RPTOR: variants seen among roughly 807,000 people sequenced by gnomAD.
RPTOR encodes the protein regulatory associated protein of MTOR complex 1, also known as regulatory-associated protein of mTOR.
RPTOR carries 21 observed loss-of-function variants against 169.9 expected under a neutral mutation model. The observed-to-expected ratio is 0.12, with a 90% CI of 0.09 to 0.18. The LOEUF is 0.18. Ranked by LOEUF, RPTOR falls within the 10% of genes least tolerant of loss-of-function variation. The pLI is 1.00. For synonymous variants in RPTOR, 732 were observed against 753.2 expected (o/e 0.97, Z 0.46); for missense variants, 1,133 against 1,855.9 (o/e 0.61, Z 7.16).
intron 1 of RPTOR, among the ~76,000 whole-genome samples, chr17:80,548,050 A>C (rs2084298225): frequency 6.7e-6 from 1 of 149,910 alleles, no homozygotes; most frequent in Admixed American, 6.7e-5. Flanking sequence ...AGGCTGAACA[A>C]CCCCATTTGT....
intron 5 of RPTOR, among the ~76,000 whole-genome samples, chr17:80,745,181 G>A (rs1282218804): frequency 6.6e-6 from 1 of 152,244 alleles, no homozygotes; most frequent in East Asian, 1.9e-4. Flanking sequence ...AGAAATTAGT[G>A]TAATTTCTAA....
At chr17:80,777,498 A>T (rs1225734248) in intron 6 of RPTOR, among the ~76,000 whole-genome samples, 1 of 151,444 alleles carries the variant, frequency 6.6e-6, no homozygotes, top group Non-Finnish European at 1.5e-5. Flanking sequence ...GCATCTCCCT[A>T]ACGACTAATG....
At chr17:80,817,422 G>A (rs1220402882) in intron 7 of RPTOR, among the ~76,000 whole-genome samples, 2 of 152,046 alleles carry the variant, frequency 1.3e-5, no homozygotes, top group Admixed American at 6.5e-5. Context: ...GAGATCATGT[G>A]TTGCGTCTCC....
At chr17:80,939,109 C>A (rs2068990879) in intron 24 of RPTOR, among the ~76,000 whole-genome samples, 1 of 152,170 alleles carries the variant, frequency 6.6e-6, no homozygotes, top group South Asian at 2.1e-4. Flanking sequence ...AATTAGGGTT[C>A]TTACCTTGTT....
chr17:80,864,381 A>G (rs2014852), intron 13 of RPTOR, among the ~76,000 whole-genome samples: 23,397 of 121,948 alleles, frequency 0.19, 2,170 homozygotes, highest in African/African-American at 0.2. Context: ...AATGATGGCA[A>G]GTTTCTTCTC....
chr17:80,634,106 C>CGTGTGTGCATACTGTGTGT (rs1412204904), intron 2 of RPTOR, among the ~76,000 whole-genome samples: 7 of 125,578 alleles, frequency 5.6e-5, no homozygotes, highest in African/African-American at 2.7e-4. Context: ...ATATTGTGTG[C>CGTGTGTGCATACTGTGTGT]GTGTGTGCAT....
intron 1 of RPTOR, among the ~76,000 whole-genome samples, chr17:80,588,518 C>G (rs2065080745): frequency 6.6e-6 from 1 of 152,144 alleles, no homozygotes; most frequent in Non-Finnish European, 1.5e-5. Flanking sequence ...CTATTGTGAA[C>G]CACACTGCAA....
intron 3 of RPTOR, among the ~76,000 whole-genome samples, chr17:80,685,627 A>ATATTTTTTTTT (rs1269766086): frequency 6.5e-5 from 2 of 30,684 alleles, no homozygotes; most frequent in African/African-American, 1.7e-4. Context: ...ATATATATAT[A>ATATTTTTTTTT]TTTTTTTTTT....
intron 28 of RPTOR, among the ~76,000 whole-genome samples, chr17:80,951,139 C>T (rs190430717): frequency 2.5e-4 from 37 of 150,844 alleles, no homozygotes; most frequent in African/African-American, 8.7e-4. Flanking sequence ...CGTCCACACC[C>T]GGCTGGCCCC....
chr17:80,799,078 A>G (rs1201740034), intron 7 of RPTOR, among the ~76,000 whole-genome samples: 2 of 151,944 alleles, frequency 1.3e-5, no homozygotes, highest in African/African-American at 4.8e-5. Context: ...GCGTGATATG[A>G]CCTTTGAACC....
rs2066869563 is a variant in RPTOR, at chr17:80,774,004, G to T, written c.831-17446G>T. ...CTTCTCGGGCTGTCAGAAAGGACGA[G>T]GCTGAGTCAGGCTTTAATGTAAACC... On this transcript the variant is annotated intron_variant, in intron 6 of 33. Coordinates refer to ENST00000306801, the MANE Select transcript of RPTOR (RefSeq NM_020761.3). The T allele has an allele frequency of 1.4e-5, 14 of 985,310 alleles. No homozygotes were observed. The South Asian group carries it at 6.1e-4, about 43-fold the overall frequency. The allele number at this position is 985,310 out of a possible 1,614,324, so 61.0% of individuals were successfully genotyped here. A position where few individuals can be genotyped will look rare whatever the true frequency, so the allele number is the denominator to read the frequency against.
At chr17:80,712,253 C>T (rs1050880864) in intron 4 of RPTOR, among the ~76,000 whole-genome samples, 6 of 152,138 alleles carry the variant, frequency 3.9e-5, no homozygotes, top group Non-Finnish European at 8.8e-5. Context: ...AGGGCTCACT[C>T]CTAGTGATGT....
intron 28 of RPTOR, among the ~76,000 whole-genome samples, chr17:80,952,421 G>T (rs972806994): frequency 6.6e-6 from 1 of 152,186 alleles, no homozygotes; most frequent in African/African-American, 2.4e-5. Context: ...CCCTGGAACT[G>T]AGGAGCTCAG....
chr17:80,691,614 A>G (rs977966332), intron 3 of RPTOR, among the ~76,000 whole-genome samples: 10 of 151,978 alleles, frequency 6.6e-5, no homozygotes, highest in Admixed American at 3.9e-4. Context: ...GCGGTCCTCA[A>G]TTGCTTCATT....
Position 80,695,032 on chromosome 17 carries a change from TG to T in RPTOR, c.349-12806del, listed in dbSNP as rs891265979. On this transcript the variant is annotated intron_variant, in intron 3 of 33. Transcript: ENST00000306801. The surrounding 1 kb of genome is among the most constrained non-coding windows in gnomAD (Gnocchi z 4.9). ...TGAGCAGGAAGCCTGGGGGCTGAGC[TG>T]GGCTGCCTGGCTTTGACATGGGCCT... Among the ~76,000 whole-genome samples, 3 of 152,170 alleles carry T rather than the reference TG, an allele frequency of 2.0e-5. No homozygotes were observed. Among genetic ancestry groups the T allele is most frequent in the Admixed American group, 1.3e-4 (2 of 15,284 alleles).
intron 1 of RPTOR, among the ~76,000 whole-genome samples, chr17:80,569,865 A>T (rs1024606271): frequency 2.0e-5 from 3 of 151,998 alleles, no homozygotes; most frequent in African/African-American, 7.2e-5. Flanking sequence ...TGGGTGCTTC[A>T]TGAGGTCCCT....
chr17:80,912,717 C>T (rs551619438), intron 21 of RPTOR, among the ~76,000 whole-genome samples: 5 of 152,276 alleles, frequency 3.3e-5, no homozygotes, highest in South Asian at 2.1e-4. Flanking sequence ...TCTCCCACCA[C>T]GGTAAGGCAG....
chr17:80,667,285 C>T (rs112260214), intron 3 of RPTOR, among the ~76,000 whole-genome samples: 8 of 152,028 alleles, frequency 5.3e-5, no homozygotes, highest in Non-Finnish European at 8.8e-5. Flanking sequence ...GAGGTGGTGA[C>T]GTCTGAGCTG....
Position 80,646,100 on chromosome 17 carries a change from C to T in RPTOR, c.348+2290C>T, listed in dbSNP as rs181480532. Among the ~76,000 whole-genome samples the T allele has an allele frequency of 2.0e-4, 31 of 152,234 alleles. No homozygotes were observed. The East Asian group carries it at 3.7e-3, about 18-fold the overall frequency. ...AAAGTGGAATCTGGAATAAAGTATC[C>T]GCTGCAGCCTAGAAGGAAGCTGTTC... On this transcript the variant is annotated intron_variant, in intron 3 of 33. Coordinates refer to ENST00000306801, the MANE Select transcript of RPTOR (RefSeq NM_020761.3). This position sits in a 1 kb window ranked among gnomAD's most constrained non-coding sequence, Gnocchi z 5.0.
Sources: gnomAD v4.1 joint callset for allele counts (sites outside exome capture counted in the v4.1 genomes callset) on GRCh38, gnomAD v4.1.1 for gene constraint, Gnocchi (gnomAD v3.1) non-coding constraint, MANE v1.5 for transcripts, NCBI Gene and HGNC (gene_info 2026-07-23, HGNC 2026-07-21) for gene names.